IMPA2: variants seen among roughly 807,000 people sequenced by gnomAD.
IMPA2 encodes the protein inositol monophosphatase 2.
A neutral mutation model predicts 35.1 loss-of-function variants in IMPA2; 32 were observed. That is an observed-to-expected ratio of 0.91 (90% CI 0.69 to 1.23). The LOEUF is 1.23. IMPA2 is among the 50% of genes most tolerant of loss of function. The probability of loss-of-function intolerance (pLI) is 0.00; values close to 1 mark genes in which losing one functional copy is unlikely to be tolerated. For missense variants in IMPA2, 334 were observed against 387.6 expected, an observed-to-expected ratio of 0.86 and a Z score of 1.16; for synonymous variants, 135 against 160.6, an observed-to-expected ratio of 0.84 and a Z score of 1.20.
At chr18:12,004,436 A>G (rs1024678634) in intron 2 of IMPA2, among the ~76,000 whole-genome samples, 1 of 152,134 alleles carries the variant, frequency 6.6e-6, no homozygotes, top group African/African-American at 2.4e-5. Context: ...GCCTTAATCC[A>G]GTTGCTATTT....
chr18:11,994,482 C>T (rs1906903527), intron 1 of IMPA2: 1 of 152,412 alleles, frequency 6.6e-6, no homozygotes, highest in South Asian at 2.1e-4. Context: ...GGCGGACACA[C>T]CCAGATTGCA....
chr18:11,982,493 T>A (rs1416306901), intron 1 of IMPA2, among the ~76,000 whole-genome samples: 1 of 152,144 alleles, frequency 6.6e-6, no homozygotes, highest in Admixed American at 6.5e-5. Flanking sequence ...TCCATGTTTG[T>A]CTCTTAGGAT....
chr18:12,009,313 C>T (rs1375153664), intron 2 of IMPA2, among the ~76,000 whole-genome samples: 1 of 152,032 alleles, frequency 6.6e-6, no homozygotes, highest in African/African-American at 2.4e-5. Context: ...AAGTCAGATA[C>T]CAGGGCAGGA....
chr18:11,989,753 C>T lies in IMPA2; in HGVS notation c.96+7988C>T, dbSNP rs1408548870. On this transcript the variant is annotated intron_variant, in intron 1 of 7. Transcript: ENST00000269159. ...AAGGAGAGGCTGGTAGATGGCTCAT[C>T]CCCACGGGGAGAGTGAGTCCTGGAC... Among the ~76,000 whole-genome samples, 6 of 152,114 alleles carry T rather than the reference C, an allele frequency of 3.9e-5. 1 individual carries two copies. The highest frequency in any genetic ancestry group is 3.3e-4 in the Admixed American group (5 of 15,270).
chr18:11,992,716 A>G (rs1051043744), intron 1 of IMPA2, among the ~76,000 whole-genome samples: 22 of 152,170 alleles, frequency 1.4e-4, no homozygotes, highest in Non-Finnish European at 1.5e-5. Context: ...CAGGATACCT[A>G]ACTCATTGCT....
rs558164660 is a variant in IMPA2, at chr18:12,004,534, G to GTT, written c.231-5336_231-5335dup. Among the ~76,000 whole-genome samples the GTT allele has an allele frequency of 1.3e-3, 175 of 139,624 alleles. 1 individual carries two copies. Among genetic ancestry groups the GTT allele is most frequent in the African/African-American group, 4.0e-3 (153 of 38,198 alleles). 91.6% of individuals were successfully genotyped at this position (139,624 alleles called of 152,430 possible). A position where few individuals can be genotyped will look rare whatever the true frequency, so the allele number is the denominator to read the frequency against. ...ATTTTTTTTCCTATTTATATTGTGG[G>GTT]TTTTTTTTTTTTTTGAGATGGAGTC... On this transcript the variant is annotated intron_variant, in intron 2 of 7. Transcript: ENST00000269159.
At chr18:11,994,200 C>G (rs1906892647) in intron 1 of IMPA2, 1 of 151,994 alleles carries the variant, frequency 6.6e-6, no homozygotes, top group Admixed American at 6.6e-5. Context: ...ATTGTGAGAC[C>G]TCAGCTCTAC....
intron 5 of IMPA2, among the ~76,000 whole-genome samples, chr18:12,019,597 G>A (rs1350029661): frequency 6.6e-6 from 1 of 151,958 alleles, no homozygotes; most frequent in Non-Finnish European, 1.5e-5. Flanking sequence ...GTTAGTTGCA[G>A]TGTGAAATCT....
chr18:11,992,929 A>G (rs898100480), intron 1 of IMPA2, among the ~76,000 whole-genome samples: 1 of 152,174 alleles, frequency 6.6e-6, no homozygotes, highest in Non-Finnish European at 1.5e-5. Context: ...GCATAGGACA[A>G]TTCGTGAATT....
At chr18:12,027,916 A>G (rs1907926830) in intron 5 of IMPA2, 127 bp from the exon 6 acceptor site, 1 of 631,926 alleles carries the variant, frequency 1.6e-6, no homozygotes, top group Non-Finnish European at 2.8e-6. Context: ...TCAAAAAAGC[A>G]TTCAGCATGA....
intron 1 of IMPA2, among the ~76,000 whole-genome samples, chr18:11,992,279 C>T (rs1906838253): frequency 2.0e-5 from 3 of 152,244 alleles, no homozygotes; most frequent in African/African-American, 7.2e-5. Context: ...CAGGTGCACA[C>T]CTCCAGTGGC....
chr18:12,023,714 A>G (rs1011498830), intron 5 of IMPA2, among the ~76,000 whole-genome samples: 1 of 152,116 alleles, frequency 6.6e-6, no homozygotes, highest in African/African-American at 2.4e-5. Flanking sequence ...GTCTTCCTTC[A>G]TCTCTTCCCA....
intron 2 of IMPA2, among the ~76,000 whole-genome samples, chr18:12,002,502 A>G (rs1375165080): frequency 6.6e-6 from 1 of 152,188 alleles, no homozygotes; most frequent in African/African-American, 2.4e-5. Flanking sequence ...GGTGGGGTGC[A>G]GTGGCTCATG....
chr18:12,001,549 T>C (rs963927439), intron 2 of IMPA2, among the ~76,000 whole-genome samples: 3 of 152,166 alleles, frequency 2.0e-5, no homozygotes, highest in African/African-American at 7.2e-5. Flanking sequence ...CACTGTTGGG[T>C]TAATGTGTGC....
At chr18:12,027,530 G>T (rs540612429) in intron 5 of IMPA2, among the ~76,000 whole-genome samples, 2 of 149,252 alleles carry the variant, frequency 1.3e-5, no homozygotes, top group Admixed American at 1.3e-4. Flanking sequence ...TCCCAGTTTG[G>T]AGTCATTTTG....
rs1907964424 is a variant in IMPA2 at position 12,028,981 on chromosome 18, A to G, written c.739A>G (p.Ile247Val). The change falls in exon 7 of 8, where the codon ATA becomes GTA. Residue 247 changes from isoleucine (I) to valine (V), a missense_variant. Ile to Val is a conservative substitution (Grantham distance 29). Coordinates refer to ENST00000269159, the MANE Select transcript of IMPA2 (RefSeq NM_014214.3). ...CATCAGAGAAGCAGGCGGCATCGTG[A>G]TAGACACTTCGGGTGAGCTCTCCTG... is the stretch of plus-strand genomic sequence containing the variant. ...VIIREAGGIV[I>V]DTSGGPLDLM... is the part of the protein sequence containing the mutation. 1 of 1,613,520 alleles carries G rather than the reference A, an allele frequency of 6.2e-7. No homozygotes were observed. The highest frequency in any genetic ancestry group is 1.1e-5 in the South Asian group (1 of 91,076).
chr18:12,009,904 G>A lies in IMPA2; in HGVS notation c.252G>A (p.Ala84=), dbSNP rs34869964. ...GCAGGTTCATTGCAGAAGAGGCCGC[G>A]GCTTCTGGGGCCAAGTGTGTGCTCA... ...PSHRFIAEEA[A]ASGAKCVLTH... Residue 84 remains alanine, a synonymous_variant, in exon 3 of 8, where the codon GCG becomes GCA. Transcript: ENST00000269159. 278 of 1,614,006 alleles carry A rather than the reference G, an allele frequency of 1.7e-4. No individual in the cohort carries two copies. The highest frequency in any genetic ancestry group is 2.3e-4 in the Non-Finnish European group (266 of 1,180,026).
chr18:12,015,836 G>A (rs45560134), intron 5 of IMPA2, among the ~76,000 whole-genome samples: 21,741 of 152,208 alleles, frequency 0.14, 1,837 homozygotes, highest in East Asian at 0.42. Flanking sequence ...AAGCATGCTC[G>A]GGTGAACTTT....
chr18:11,991,064 G>A lies in IMPA2; in HGVS notation c.97-7990G>A, dbSNP rs572412929. On this transcript the variant is annotated intron_variant, in intron 1 of 7. Transcript: ENST00000269159. This position sits in a 1 kb window ranked among gnomAD's most constrained non-coding sequence, Gnocchi z 4.1. ...GCCATCTCCAGGAAGCTCAGCTGCT[G>A]AAGGCAGGTCCGAGGGCTTGCAAAC... is the stretch of plus-strand genomic sequence containing the variant. Among the ~76,000 whole-genome samples the A allele has an allele frequency of 3.3e-5, 5 of 152,238 alleles. No individual in the cohort carries two copies. Among genetic ancestry groups the A allele is most frequent in the Non-Finnish European group, 7.3e-5 (5 of 68,044 alleles).
Sources: allele counts gnomAD v4.1 joint callset (sites outside exome capture counted in the v4.1 genomes callset), GRCh38; gene constraint gnomAD v4.1.1; non-coding constraint Gnocchi (gnomAD v3.1); transcripts MANE v1.5; gene names NCBI Gene and HGNC (gene_info 2026-07-23, HGNC 2026-07-21).